Variants in CROCC observed in about 807,000 individuals in gnomAD.
CROCC encodes rootletin.
A neutral mutation model predicts 245.2 loss-of-function variants in CROCC; 180 were observed. The ratio of observed to expected loss-of-function variants is 0.73; its 90% CI spans 0.65 to 0.83. The LOEUF (loss-of-function observed/expected upper bound fraction) is 0.83. Among genes scored for constraint, CROCC ranks in the 40% least tolerant of loss-of-function variants. CROCC has a pLI of 0.00. For synonymous variants in CROCC, 1,205 were observed against 1,241.6 expected, an observed-to-expected ratio of 0.97 and a Z score of 0.62; for missense variants, 2,688 against 2,779.4, an observed-to-expected ratio of 0.97 and a Z score of 0.74.
chr1:16,954,817 G>A lies in CROCC; in HGVS notation c.3405G>A (p.Val1135=). ...EEAAAAHAQE[V]RRLQEQARDL... is the part of the protein sequence containing the mutation. ...CTGCTGCGGCCCACGCCCAGGAGGTGAGGAGGCTGCAAGAGCAGGCCCGAG... is the reference window on the plus strand; with the variant it reads ...CTGCTGCGGCCCACGCCCAGGAGGTAAGGAGGCTGCAAGAGCAGGCCCGAG... The change falls in exon 23 of 37, where the codon GTG becomes GTA. Residue 1135 remains valine, a synonymous_variant. Transcript: ENST00000375541. This position sits in a 1 kb window ranked among gnomAD's most constrained non-coding sequence, Gnocchi z 4.4. 2 of 1,552,030 alleles carry A rather than the reference G, an allele frequency of 1.3e-6. No individual in the cohort carries two copies. The highest frequency in any genetic ancestry group is 1.9e-5 in the Admixed American group (1 of 51,414).
intron 7 of CROCC, among the ~76,000 whole-genome samples, chr1:16,930,898 A>C (rs1176369749): frequency 6.6e-6 from 1 of 152,284 alleles, no homozygotes; most frequent in Non-Finnish European, 1.5e-5. Context: ...GCACTTTGGG[A>C]GGCTGAGAGA....
chr1:16,922,612 A>G lies in CROCC; in HGVS notation c.61-51A>G, dbSNP rs776736844. On this transcript the variant is annotated intron_variant, in intron 1 of 36. Transcript: ENST00000375541. ...ATTCTGTGGCTCTCCCCACGAGGCC[A>G]GGGAGCCCCGGGTCCCATGTCCCCT... 24 of 1,546,212 alleles carry G rather than the reference A, an allele frequency of 1.6e-5. No homozygotes were observed. In the African/African-American group the frequency reaches 2.9e-4, roughly 18 times the overall value.
At chr1:16,970,847 G>T in intron 35 of CROCC, 80 bp downstream of exon 35, 1 of 1,444,144 alleles carries the variant, frequency 6.9e-7, no homozygotes. Flanking sequence ...TGATGGCCCA[G>T]CCAGCCCAGG....
intron 1 of CROCC, among the ~76,000 whole-genome samples, chr1:16,914,412 C>T (rs1570560761): frequency 6.6e-6 from 1 of 152,254 alleles, no homozygotes; most frequent in African/African-American, 2.4e-5. Flanking sequence ...GTCCCTCCGC[C>T]GGCCGGGGTC....
At chr1:16,958,491 C>A in intron 25 of CROCC, 92 bp from the exon 26 acceptor site, 2 of 1,428,588 alleles carry the variant, frequency 1.4e-6, no homozygotes, top group Non-Finnish European at 1.9e-6. Context: ...ATACATGTGT[C>A]CCTACAGCAG....
intron 1 of CROCC, among the ~76,000 whole-genome samples, chr1:16,914,582 C>T (rs1276526044): frequency 6.6e-6 from 1 of 152,290 alleles, no homozygotes; most frequent in Non-Finnish European, 1.5e-5. Flanking sequence ...GAAGCATCTC[C>T]ATTGTGCGGA....
In CROCC at chr1:16,964,463, A is replaced by C. The variant is rs572248289; in HGVS notation, c.4406-1260A>C. Reference sequence around the variant, plus strand: ...AATGGTGCAGTCTTAGCTCACTGCAACCTCTGCCTCCCAGGTCCCAGTTCA... The same window carrying C: ...AATGGTGCAGTCTTAGCTCACTGCACCCTCTGCCTCCCAGGTCCCAGTTCA... On this transcript the variant is annotated intron_variant, in intron 27 of 36. Transcript: ENST00000375541. 2.1e-3 allele frequency among the ~76,000 whole-genome samples: 322 copies of C among 150,184 alleles called. 2 individuals are homozygous for C. Among genetic ancestry groups the C allele is most frequent in the Non-Finnish European group, 2.7e-3 (185 of 67,644 alleles).
chr1:16,954,664 G>A lies in CROCC; in HGVS notation c.3322-70G>A. On this transcript the variant is annotated intron_variant, in intron 22 of 36. Coordinates refer to ENST00000375541, the MANE Select transcript of CROCC (RefSeq NM_014675.5). The surrounding 1 kb of genome is among the most constrained non-coding windows in gnomAD (Gnocchi z 4.4). ...TAGAGCTAAAAGTGGACAGTGCACT[G>A]AGCGGGTTGGGAGCAGCCCGGGGCT... The A allele has an allele frequency of 6.7e-7, 1 of 1,482,434 alleles. No individual in the cohort carries two copies. The highest frequency in any genetic ancestry group is 9.0e-7 in the Non-Finnish European group (1 of 1,109,946). The allele number at this position is 1,482,434 out of a possible 1,614,324, so 91.8% of individuals were successfully genotyped here.
In CROCC at chr1:16,953,445, CG is replaced by C; in HGVS notation, c.3151del (p.Glu1051ArgfsTer5). 1 of 1,609,798 alleles carries C rather than the reference CG, an allele frequency of 6.2e-7. No homozygotes were observed. Among genetic ancestry groups the C allele is most frequent in the East Asian group, 2.2e-5 (1 of 44,882 alleles). On this transcript the variant is annotated frameshift_variant, in exon 21 of 37. Coordinates refer to ENST00000375541, the MANE Select transcript of CROCC (RefSeq NM_014675.5). LOFTEE classifies it high-confidence loss of function. ...TTGCTGCCCTGCAGCAGGAGCGCGA[CG>C]AGGGCCTCCTCCTAGCAGAGAGTGA... The part of the protein sequence containing the change: ...EIAALQQERD[E>X]GLLLAESEKQ...
chr1:16,942,660 G>T (rs1360572824), intron 13 of CROCC, among the ~76,000 whole-genome samples: 4 of 152,286 alleles, frequency 2.6e-5, no homozygotes, highest in Non-Finnish European at 5.9e-5. Flanking sequence ...GACTCATACA[G>T]CGTGTGTGGC....
At chr1:16,929,779 C>T (rs1158873117) in intron 3 of CROCC, 67 bp from the exon 4 acceptor site, 70 of 1,456,824 alleles carry the variant, frequency 4.8e-5, no homozygotes, top group Non-Finnish European at 6.0e-5. Context: ...GCCTGCCACG[C>T]CCTACAGAAG....
At chr1:16,964,775 C>T (rs377679208) in intron 27 of CROCC, among the ~76,000 whole-genome samples, 1 of 152,200 alleles carries the variant, frequency 6.6e-6, no homozygotes, top group Non-Finnish European at 1.5e-5. Context: ...CTCCGCTTCC[C>T]GGGTTTAAGC....
chr1:16,968,537 A>C, intron 31 of CROCC, 119 bp downstream of exon 31: 1 of 1,042,874 alleles, frequency 9.6e-7, no homozygotes, highest in Non-Finnish European at 1.3e-6. Context: ...TCCCCATTTC[A>C]CAGATGGACA....
Position 16,948,433 on chromosome 1 carries a change from G to A in CROCC, c.2617G>A (p.Ala873Thr). The change falls in exon 18 of 37, where the codon GCG (alanine) becomes ACG (threonine). Residue 873 changes from alanine to threonine, a missense_variant. Coordinates refer to ENST00000375541, the MANE Select transcript of CROCC (RefSeq NM_014675.5). The part of the protein sequence containing the change: ...ALERAAREKE[A>T]LAKEHAGLAV... The stretch of plus-strand genomic sequence containing the variant: ...GGAGCGAGCGGCCCGTGAGAAGGAG[G>A]CGCTAGCCAAGGAGCACGCTGGCCT... 6.4e-7 allele frequency: 1 copy of A among 1,569,194 alleles called. No individual in the cohort carries two copies.
chr1:16,955,220 A>G, intron 23 of CROCC, 92 bp from the exon 24 acceptor site: 1 of 1,236,094 alleles, frequency 8.1e-7, no homozygotes, highest in Non-Finnish European at 1.2e-6. Context: ...GGGATGGGGC[A>G]GGCTCCCTGG....
rs891474636 is a variant in CROCC at position 16,953,387 on chromosome 1, T to C, written c.3092T>C (p.Leu1031Pro). ...QREQEELLAR[L>P]EAEKEELSEE... ...GAGCAGGAGGAGCTGCTGGCCCGGC[T>C]GGAGGCTGAGAAGGAAGAGCTGAGT... Residue 1031 changes from leucine (L) to proline (P), a missense_variant, in exon 21 of 37, where the codon CTG becomes CCG. By Grantham distance (98) the Leu-to-Pro change is moderately conservative. This residue lies in a region of CROCC where 106 missense variants were observed against 126.1 expected (regional missense o/e 0.84). Transcript: ENST00000375541. 1 of 1,610,524 alleles carries C rather than the reference T, an allele frequency of 6.2e-7. No homozygotes were observed. Among genetic ancestry groups the C allele is most frequent in the Non-Finnish European group, 8.5e-7 (1 of 1,179,732 alleles).
intron 2 of CROCC, among the ~76,000 whole-genome samples, chr1:16,923,674 CT>C (rs61063425): frequency 0.052 from 5,372 of 102,738 alleles, 18 homozygotes; most frequent in African/African-American, 0.076. Context: ...ACTATTCTAC[CT>C]TTTTTTTTTT....
At chr1:16,940,420 A>T (rs1384016491) in intron 13 of CROCC, among the ~76,000 whole-genome samples, 14 of 133,150 alleles carry the variant, frequency 1.1e-4, no homozygotes, top group African/African-American at 3.7e-4. Flanking sequence ...ACGGAGTTTC[A>T]CTGTGTGGCC....
intron 26 of CROCC, 75 bp from the exon 27 acceptor site, chr1:16,960,683 C>G (rs2076315582): frequency 2.2e-6 from 3 of 1,383,014 alleles, no homozygotes; most frequent in Non-Finnish European, 2.8e-6. Context: ...ATGGTGGGCT[C>G]CAGTCTGGGC....
Sources: gnomAD v4.1 joint callset for allele counts (sites outside exome capture counted in the v4.1 genomes callset) on GRCh38, gnomAD v4.1.1 for gene constraint, gnomAD v4.1.1 regional missense constraint, Gnocchi (gnomAD v3.1) non-coding constraint, MANE v1.5 for transcripts, NCBI Gene and HGNC (gene_info 2026-07-23, HGNC 2026-07-21) for gene names.